The following C1S variants were observed in gnomAD, a reference collection of about 807,000 sequenced individuals.
The protein encoded by C1S is complement C1s, also known as complement C1s subcomponent.
In C1S, 31 loss-of-function variants were observed where a neutral mutation model predicts 54.0. The observed-to-expected ratio is 0.57, with a 90% CI of 0.43 to 0.78. The LOEUF is 0.78. Ranked by LOEUF, C1S falls within the 30% of genes least tolerant of loss-of-function variation. The probability of loss-of-function intolerance (pLI) is 0.00; values close to 1 mark genes in which losing one functional copy is unlikely to be tolerated. For synonymous variants in C1S, 292 were observed against 303.6 expected, an observed-to-expected ratio of 0.96 and a Z score of 0.40; for missense variants, 727 against 851.8, an observed-to-expected ratio of 0.85 and a Z score of 1.82.
Position 7,061,932 on chromosome 12 carries a change from G to A in C1S, c.5+15G>A. On this transcript the variant is annotated intron_variant, in intron 2 of 11. Coordinates refer to ENST00000360817, the MANE Select transcript of C1S (RefSeq NM_001734.5). ...CCAGAGATGTGGTAAGTGATCAAGG[G>A]TCCCTGAGATGACACAGACTCCATT... 1 of 1,613,440 alleles carries A rather than the reference G, an allele frequency of 6.2e-7. No homozygotes were observed. Among genetic ancestry groups the A allele is most frequent in the Non-Finnish European group, 8.5e-7 (1 of 1,179,584 alleles).
rs374863140 is a variant in C1S at position 7,064,035 on chromosome 12, T to TACACACACACACAC, written c.392-220_392-219insACACACACACACAC. 12 of 571,138 alleles carry TACACACACACACAC rather than the reference T, an allele frequency of 2.1e-5. No homozygotes were observed. The East Asian group carries it at 4.0e-4, about 19-fold the overall frequency. The allele number at this position is 571,138 out of a possible 1,614,324, so 35.4% of individuals were successfully genotyped here. A position where few individuals can be genotyped will look rare whatever the true frequency, so the allele number is the denominator to read the frequency against. On this transcript the variant is annotated intron_variant, in intron 4 of 11. Transcript: ENST00000360817. ...GGTGACAGAGTGAGGCTATGTCACT[T>TACACACACACACAC]ACACACACACACCCCCGAGCTTCCT...
Position 7,064,404 on chromosome 12 carries a change from G to T in C1S, c.517+12G>T. ...GAAGAATTGCGGAGGTGAGCTTGGT[G>T]TTAAGAGGGTTGCATGTTCCCTGGG... On this transcript the variant is annotated intron_variant, in intron 5 of 11. Transcript: ENST00000360817. 2.5e-6 allele frequency: 4 copies of T among 1,614,094 alleles called. No homozygotes were observed. The highest frequency in any genetic ancestry group is 3.4e-6 in the Non-Finnish European group (4 of 1,179,984).
chr12:7,063,975 A>G, intron 4 of C1S: 2 of 499,066 alleles, frequency 4.0e-6, no homozygotes, highest in South Asian at 1.5e-5. Context: ...TGGAGGTTGC[A>G]GTGAGCCAAG....
rs1937831895 is a variant in C1S, at chr12:7,070,660, C to T, written c.*9C>T. ...CCCCCCGTGAGGACTAATCCAGATACATCCCACCAGCCTCTCCAAGGGTGG... is the reference window on the plus strand; with the variant it reads ...CCCCCCGTGAGGACTAATCCAGATATATCCCACCAGCCTCTCCAAGGGTGG... On this transcript the variant is annotated 3_prime_UTR_variant, in exon 12 of 12. Transcript: ENST00000360817. The surrounding 1 kb of genome is among the most constrained non-coding windows in gnomAD (Gnocchi z 4.9). 6.2e-7 allele frequency: 1 copy of T among 1,610,672 alleles called. No individual in the cohort carries two copies. Among genetic ancestry groups the T allele is most frequent in the Non-Finnish European group, 8.5e-7 (1 of 1,177,426 alleles).
At chr12:7,069,587 G>A (rs1251100976) in intron 11 of C1S, among the ~76,000 whole-genome samples, 1 of 152,222 alleles carries the variant, frequency 6.6e-6, no homozygotes. Flanking sequence ...GATAGTGTGA[G>A]GCATTAGTGC....
At chr12:7,067,861 G>C (rs1937718234) in intron 10 of C1S, 90 bp downstream of exon 10, 21 of 1,336,512 alleles carry the variant, frequency 1.6e-5, no homozygotes, top group Non-Finnish European at 2.1e-5. Context: ...AGAGTTTGGA[G>C]ACAAATGAAG....
chr12:7,065,365 T>G (rs782806810), intron 6 of C1S, 66 bp downstream of exon 6: 3 of 1,116,784 alleles, frequency 2.7e-6, no homozygotes, highest in African/African-American at 1.6e-5. Flanking sequence ...TGAAGACAAA[T>G]TTTTTTTTCA....
rs1208558016 is a variant in C1S at position 7,067,029 on chromosome 12, TA to T, written c.988-9del. ...TTCAGAAATAAGTGGTGATGTTTAT[TA>T]TTCTCCAGGGACGTGTTGGTGCAAC... is the stretch of plus-strand genomic sequence containing the variant. On this transcript the variant is annotated splice_polypyrimidine_tract_variant and intron_variant, in intron 8 of 11. Coordinates refer to ENST00000360817, the MANE Select transcript of C1S (RefSeq NM_001734.5). The T allele has an allele frequency of 2.6e-5, 41 of 1,599,380 alleles. No individual in the cohort carries two copies. Among genetic ancestry groups the T allele is most frequent in the Non-Finnish European group, 3.3e-5 (39 of 1,166,636 alleles).
chr12:7,066,658 C>T, intron 8 of C1S, 25 bp downstream of exon 8: 1 of 1,353,144 alleles, frequency 7.4e-7, no homozygotes, highest in Non-Finnish European at 1.1e-6. Flanking sequence ...TGGCTTCTCC[C>T]CAGTCCCTGG....
chr12:7,060,963 G>A (rs376338541), intron 1 of C1S, 86 bp downstream of exon 1: 1 of 152,296 alleles, frequency 6.6e-6, no homozygotes, highest in Non-Finnish European at 1.5e-5. Context: ...TTGGGGCAAT[G>A]ATAGAGGGCT....
At chr12:7,068,416 G>A (rs782387680) in intron 10 of C1S, 40 bp from the exon 11 acceptor site, 2 of 1,409,880 alleles carry the variant, frequency 1.4e-6, no homozygotes, top group African/African-American at 2.8e-5. Flanking sequence ...GAAGGAAGAT[G>A]TGGTGGTGAG....
chr12:7,067,460 G>A, intron 9 of C1S, 183 bp from the exon 10 acceptor site: 1 of 759,296 alleles, frequency 1.3e-6, no homozygotes, highest in Non-Finnish European at 2.4e-6. Flanking sequence ...CATCTCAGCG[G>A]GTGAGAGAGC....
intron 10 of C1S, among the ~76,000 whole-genome samples, chr12:7,068,105 A>G (rs1003225190): frequency 6.6e-6 from 1 of 152,174 alleles, no homozygotes; most frequent in Non-Finnish European, 1.5e-5. Context: ...TAAGCCACCA[A>G]ACTACACTGA....
Position 7,070,513 on chromosome 12 carries a change from C to G in C1S, c.1929C>G (p.Asp643Glu), listed in dbSNP as rs782542301. 6.2e-7 allele frequency: 1 copy of G among 1,613,804 alleles called. No homozygotes were observed. The highest frequency in any genetic ancestry group is 1.1e-5 in the South Asian group (1 of 91,068). The change falls in exon 12 of 12, where the codon GAC (aspartate) becomes GAG (glutamate). Residue 643 changes from aspartate to glutamate, a missense_variant. Asp to Glu is a conservative substitution (Grantham distance 45, BLOSUM62 2). Around this residue, in one of 3 missense-constraint regions of C1S, gnomAD observed 360 missense variants for 453.6 expected, o/e 0.79. Transcript: ENST00000360817. The surrounding 1 kb of genome is among the most constrained non-coding windows in gnomAD (Gnocchi z 4.9). ...CCTTTGCTGTACAGGATCCCAATGACAAGACCAAATTCTACGCAGCTGGCC... is the reference window on the plus strand; with the variant it reads ...CCTTTGCTGTACAGGATCCCAATGAGAAGACCAAATTCTACGCAGCTGGCC... ...GGAFAVQDPN[D>E]KTKFYAAGLV...
intron 11 of C1S, among the ~76,000 whole-genome samples, chr12:7,069,094 A>G (rs1937761169): frequency 6.6e-6 from 1 of 152,138 alleles, no homozygotes; most frequent in Non-Finnish European, 1.5e-5. Context: ...GTCTTATCTG[A>G]CCAATGTCAA....
At position 7,070,619 on chromosome 12, in the gene C1S, A is replaced by C; in HGVS notation, c.2035A>C (p.Met679Leu). 1.9e-6 allele frequency: 3 copies of C among 1,614,140 alleles called. No homozygotes were observed. The highest frequency in any genetic ancestry group is 2.5e-6 in the Non-Finnish European group (3 of 1,180,030). ...CTATGTTGACTGGATAATGAAGACT[A>C]TGCAGGAAAATAGCACCCCCCGTGA... ...KNYVDWIMKT[M>L]QENSTPRED The change falls in exon 12 of 12, where the codon ATG becomes CTG. Residue 679 changes from methionine (M) to leucine (L), a missense_variant. This residue lies in a region of C1S where 360 missense variants were observed against 453.6 expected (regional missense o/e 0.79). Coordinates refer to ENST00000360817, the MANE Select transcript of C1S (RefSeq NM_001734.5). This position sits in a 1 kb window ranked among gnomAD's most constrained non-coding sequence, Gnocchi z 4.9.
At chr12:7,068,370 C>A in intron 10 of C1S, 86 bp from the exon 11 acceptor site, 1 of 932,100 alleles carries the variant, frequency 1.1e-6, no homozygotes, top group Non-Finnish European at 1.8e-6. Flanking sequence ...TCTGAAGGAA[C>A]GGGGCAGGGT....
intron 2 of C1S, 63 bp downstream of exon 2, chr12:7,061,980 C>T (rs1947095330): frequency 1.4e-5 from 22 of 1,525,484 alleles, no homozygotes; most frequent in Admixed American, 1.2e-4. Context: ...TCAAGAAAAG[C>T]GCTCAAGGGC....
In C1S at chr12:7,061,880, A is replaced by G; in HGVS notation, c.-33A>G. 1 of 1,613,822 alleles carries G rather than the reference A, an allele frequency of 6.2e-7. No homozygotes were observed. Among genetic ancestry groups the G allele is most frequent in the Non-Finnish European group, 8.5e-7 (1 of 1,179,756 alleles). On this transcript the variant is annotated 5_prime_UTR_variant, in exon 2 of 12. Coordinates refer to ENST00000360817, the MANE Select transcript of C1S (RefSeq NM_001734.5). ...GTGCAGAAAGCCAGGACCAAGAGAC[A>G]GGCAGCTCACCAGGGTGGACAAATC...
Sources: allele counts gnomAD v4.1 joint callset (sites outside exome capture counted in the v4.1 genomes callset), GRCh38; gene constraint gnomAD v4.1.1; regional missense constraint gnomAD v4.1.1; non-coding constraint Gnocchi (gnomAD v3.1); transcripts MANE v1.5; gene names NCBI Gene and HGNC (gene_info 2026-07-23, HGNC 2026-07-21).